Variants in RIMS2 observed in about 807,000 individuals in gnomAD.
RIMS2 encodes regulating synaptic membrane exocytosis protein 2.
Under a neutral mutation model 174.4 loss-of-function variants are expected in RIMS2, and 59 were observed. The observed-to-expected ratio is 0.34, with a 90% CI of 0.27 to 0.42. The LOEUF (loss-of-function observed/expected upper bound fraction) is 0.42, where lower values mean the gene tolerates loss of function less well. RIMS2 is among the 10% of genes least tolerant of loss of function. RIMS2 has a pLI of 1.00. For missense variants in RIMS2, 1,620 were observed against 1,666.3 expected (o/e 0.97, Z 0.48); for synonymous variants, 606 against 572.5 (o/e 1.06, Z -0.84).
intron 3 of RIMS2, among the ~76,000 whole-genome samples, chr8:103,855,716 C>A (rs189121529): frequency 6.6e-6 from 1 of 151,960 alleles, no homozygotes. Flanking sequence ...CACTGTGTTC[C>A]AGGAATCTCT....
chr8:103,713,347 G>A (rs755475121), intron 2 of RIMS2, among the ~76,000 whole-genome samples: 4 of 152,012 alleles, frequency 2.6e-5, no homozygotes, highest in Non-Finnish European at 4.4e-5. Context: ...AGTCCTTTGC[G>A]GTAAATACAT....
Position 104,041,620 on chromosome 8 carries a change from C to T in RIMS2, c.3334+27005C>T, listed in dbSNP as rs574908833. 3.3e-5 allele frequency among the ~76,000 whole-genome samples: 5 copies of T among 151,548 alleles called. No homozygotes were observed. The South Asian group carries it at 1.0e-3, about 31-fold the overall frequency. On this transcript the variant is annotated intron_variant, in intron 19 of 23. Transcript: ENST00000504942. Reference sequence around the variant, plus strand: ...TTTCCATAAACTGAATAACTAAAGGCAAATAGGATGTGTATGTATGCGTAT... The same window carrying T: ...TTTCCATAAACTGAATAACTAAAGGTAAATAGGATGTGTATGTATGCGTAT...
At chr8:103,759,145 T>C (rs2098074717) in intron 2 of RIMS2, among the ~76,000 whole-genome samples, 1 of 152,156 alleles carries the variant, frequency 6.6e-6, no homozygotes, top group African/African-American at 2.4e-5. Context: ...TTTTGTTAAA[T>C]TGAAGGGCAT....
intron 19 of RIMS2, among the ~76,000 whole-genome samples, chr8:104,181,769 G>A (rs529413782): frequency 6.6e-6 from 1 of 151,574 alleles, no homozygotes. Context: ...TGATTTTTAT[G>A]CAGTAATCTT....
At chr8:103,950,062 G>C (rs1269708141) in intron 14 of RIMS2, among the ~76,000 whole-genome samples, 1 of 152,040 alleles carries the variant, frequency 6.6e-6, no homozygotes, top group Non-Finnish European at 1.5e-5. Flanking sequence ...ACAAACTTGA[G>C]TCTCTCCCAA....
intron 19 of RIMS2, chr8:104,094,762 A>G: frequency 1.6e-6 from 1 of 619,552 alleles, no homozygotes; most frequent in South Asian, 2.0e-5. Context: ...ATTTCCCATT[A>G]GTAATGTAGT....
At chr8:103,813,510 G>A (rs553854873) in intron 3 of RIMS2, among the ~76,000 whole-genome samples, 8 of 151,846 alleles carry the variant, frequency 5.3e-5, no homozygotes, top group Non-Finnish European at 7.4e-5. Context: ...CCATTAACTC[G>A]TCATTTACAT....
chr8:104,025,520 TG>T (rs1189663049), intron 19 of RIMS2, among the ~76,000 whole-genome samples: 2 of 152,098 alleles, frequency 1.3e-5, no homozygotes, highest in Non-Finnish European at 2.9e-5. Context: ...AGTTTGAAGT[TG>T]GGAAGATGAA....
At chr8:103,505,590 A>G (rs1823097968) in intron 1 of RIMS2, among the ~76,000 whole-genome samples, 1 of 152,096 alleles carries the variant, frequency 6.6e-6, no homozygotes, top group African/African-American at 2.4e-5. Flanking sequence ...TGCATTTCCT[A>G]CATGTATGAA....
chr8:103,659,808 G>T (rs949148308), intron 1 of RIMS2, among the ~76,000 whole-genome samples: 2 of 152,220 alleles, frequency 1.3e-5, no homozygotes, highest in Admixed American at 1.3e-4. Context: ...GACGAGTGGA[G>T]CGTTTCACTG....
At chr8:103,552,315 C>CT in intron 1 of RIMS2, among the ~76,000 whole-genome samples, 1 of 152,122 alleles carries the variant, frequency 6.6e-6, no homozygotes, top group Non-Finnish European at 1.5e-5. Context: ...ACCATCTGAT[C>CT]TTTGACAAAC....
intron 1 of RIMS2, among the ~76,000 whole-genome samples, chr8:103,566,684 A>G (rs2092378399): frequency 6.6e-6 from 1 of 152,212 alleles, no homozygotes; most frequent in Admixed American, 6.5e-5. Flanking sequence ...AACAAGATGT[A>G]TGGAATCTTC....
chr8:103,770,921 A>G (rs1175935762), intron 3 of RIMS2, among the ~76,000 whole-genome samples: 1 of 152,234 alleles, frequency 6.6e-6, no homozygotes, highest in Non-Finnish European at 1.5e-5. Context: ...TTCAGAAACC[A>G]GTGGCTTCAG....
chr8:104,036,192 C>A (rs866361565), intron 19 of RIMS2, among the ~76,000 whole-genome samples: 4 of 150,996 alleles, frequency 2.6e-5, no homozygotes, highest in Middle Eastern at 3.4e-3. Flanking sequence ...TCTCTGTCAC[C>A]CAGGCTGGAG....
At chr8:103,611,552 A>G (rs565811341) in intron 1 of RIMS2, among the ~76,000 whole-genome samples, 7 of 147,358 alleles carry the variant, frequency 4.8e-5, no homozygotes, top group Non-Finnish European at 1.0e-4. Flanking sequence ...TTTTTGTCAG[A>G]TGTAGTATTT....
In RIMS2 at chr8:103,538,525, C is replaced by CT. The variant is rs200091574; in HGVS notation, c.176+37471dup. On this transcript the variant is annotated intron_variant, in intron 1 of 23. Coordinates refer to ENST00000504942, the Ensembl canonical transcript of RIMS2. ...AGTCCCCAAAGTCCATTGTATCATT[C>CT]TTTTTTTTGGAGATGGAGTCTCGCT... 3.0e-3 allele frequency among the ~76,000 whole-genome samples: 438 copies of CT among 144,060 alleles called. 1 individual carries two copies. Among genetic ancestry groups the CT allele is most frequent in the Non-Finnish European group, 5.2e-3 (344 of 65,544 alleles). The allele number at this position is 144,060 out of a possible 152,430, so 94.5% of individuals were successfully genotyped here.
intron 19 of RIMS2, among the ~76,000 whole-genome samples, chr8:104,146,987 G>A (rs1365921927): frequency 1.3e-5 from 2 of 152,064 alleles, no homozygotes; most frequent in East Asian, 3.9e-4. Context: ...GAGCCACTGT[G>A]CACACCCAAA....
intron 3 of RIMS2, among the ~76,000 whole-genome samples, chr8:103,883,244 A>C (rs1318533352): frequency 6.6e-6 from 1 of 151,764 alleles, no homozygotes; most frequent in Non-Finnish European, 1.5e-5. Context: ...TTAAAGCACA[A>C]ACTCCTAAGG....
chr8:103,950,492 G>A (rs2085094583), intron 14 of RIMS2, among the ~76,000 whole-genome samples: 1 of 152,004 alleles, frequency 6.6e-6, no homozygotes, highest in Admixed American at 6.6e-5. Context: ...TTGAAAAACA[G>A]AATGTGACTC....
Sources: gnomAD v4.1 joint callset for allele counts (sites outside exome capture counted in the v4.1 genomes callset) on GRCh38, gnomAD v4.1.1 for gene constraint, MANE v1.5 for transcripts, NCBI Gene and HGNC (gene_info 2026-07-23, HGNC 2026-07-21) for gene names.